STK31: variants seen among roughly 807,000 people sequenced by gnomAD.
STK31 encodes the protein serine/threonine-protein kinase 31.
A neutral mutation model predicts 129.7 loss-of-function variants in STK31; 89 were observed. That is an observed-to-expected ratio of 0.69 (90% confidence interval 0.58 to 0.82). STK31 has a LOEUF of 0.82. STK31 is among the 40% of genes least tolerant of loss of function. The probability of loss-of-function intolerance (pLI) is 0.00; values close to 1 mark genes in which losing one functional copy is unlikely to be tolerated. For synonymous variants in STK31, 448 were observed against 395.3 expected (o/e 1.13, Z -1.58); for missense variants, 1,187 against 1,176.4 (o/e 1.01, Z -0.13).
At chr7:23,777,991 A>G (rs552001480) in intron 15 of STK31, among the ~76,000 whole-genome samples, 7 of 152,160 alleles carry the variant, frequency 4.6e-5, no homozygotes, top group Non-Finnish European at 1.0e-4. Context: ...TCCTTTCCAT[A>G]TTTAGTGCTT....
chr7:23,827,098 T>C (rs535512425), intron 23 of STK31, among the ~76,000 whole-genome samples: 1 of 152,208 alleles, frequency 6.6e-6, no homozygotes, highest in South Asian at 2.1e-4. Flanking sequence ...TCTTGAGGAG[T>C]ATCTTTGTGG....
intron 22 of STK31, among the ~76,000 whole-genome samples, chr7:23,803,151 G>T (rs949488031): frequency 1.3e-5 from 2 of 152,036 alleles, no homozygotes; most frequent in African/African-American, 4.8e-5. Context: ...AAGTTAGTTT[G>T]GTACGAAAGG....
chr7:23,794,800 T>C (rs899088105), intron 22 of STK31, among the ~76,000 whole-genome samples: 12 of 152,286 alleles, frequency 7.9e-5, no homozygotes, highest in Middle Eastern at 3.4e-3. Context: ...TGGTGAAACT[T>C]TGAGCTTGAG....
intron 10 of STK31, among the ~76,000 whole-genome samples, chr7:23,760,500 T>G (rs1196284537): frequency 6.6e-6 from 1 of 152,224 alleles, no homozygotes; most frequent in Non-Finnish European, 1.5e-5. Context: ...GAATGATTAA[T>G]TTTTTAATTT....
At chr7:23,755,640 A>G (rs1038357014) in intron 10 of STK31, among the ~76,000 whole-genome samples, 11 of 152,166 alleles carry the variant, frequency 7.2e-5, no homozygotes, top group African/African-American at 2.7e-4. Flanking sequence ...TAGGTTTTAC[A>G]TTTAAGTCTT....
intron 23 of STK31, among the ~76,000 whole-genome samples, chr7:23,831,499 TA>T (rs932009625): frequency 1.3e-5 from 2 of 152,094 alleles, no homozygotes; most frequent in African/African-American, 4.8e-5. Flanking sequence ...TTGGGTCATT[TA>T]AAAAAAAGAA....
At chr7:23,751,217 T>A (rs1161727065) in intron 8 of STK31, among the ~76,000 whole-genome samples, 1 of 152,226 alleles carries the variant, frequency 6.6e-6, no homozygotes, top group Non-Finnish European at 1.5e-5. Flanking sequence ...ATTCTTTTTT[T>A]ATGGCTGAAT....
At chr7:23,746,190 A>G (rs895112222) in intron 8 of STK31, among the ~76,000 whole-genome samples, 8 of 152,160 alleles carry the variant, frequency 5.3e-5, no homozygotes, top group Admixed American at 4.6e-4. Context: ...GGGACCCAAC[A>G]TGAGCTCCCT....
intron 23 of STK31, among the ~76,000 whole-genome samples, chr7:23,831,159 G>A (rs954270992): frequency 6.6e-6 from 1 of 152,132 alleles, no homozygotes; most frequent in Non-Finnish European, 1.5e-5. Flanking sequence ...GTTTTTAAGT[G>A]CAGTGTAAAA....
At chr7:23,718,191 A>C (rs1786465867) in intron 4 of STK31, among the ~76,000 whole-genome samples, 1 of 152,176 alleles carries the variant, frequency 6.6e-6, no homozygotes, top group African/African-American at 2.4e-5. Flanking sequence ...AAGAAAACGT[A>C]TGTACTGTCT....
At chr7:23,827,103 T>C (rs1794203863) in intron 23 of STK31, among the ~76,000 whole-genome samples, 1 of 152,188 alleles carries the variant, frequency 6.6e-6, no homozygotes, top group African/African-American at 2.4e-5. Context: ...AGGAGTATCT[T>C]TGTGGCATTC....
chr7:23,721,956 A>G (rs550697272), intron 4 of STK31, among the ~76,000 whole-genome samples: 1 of 152,156 alleles, frequency 6.6e-6, no homozygotes, highest in Non-Finnish European at 1.5e-5. Flanking sequence ...TACACTGTTT[A>G]TTCTAGTTAG....
intron 22 of STK31, chr7:23,791,391 A>C (rs1791606722): frequency 2.8e-6 from 2 of 724,088 alleles, no homozygotes; most frequent in Non-Finnish European, 3.4e-6. Flanking sequence ...CAAATACTGC[A>C]TGTTCTCACT....
intron 10 of STK31, among the ~76,000 whole-genome samples, chr7:23,761,423 CTTT>C (rs11326557): frequency 5.8e-5 from 8 of 136,860 alleles, no homozygotes; most frequent in Non-Finnish European, 4.8e-5. Context: ...TGGCCATATG[CTTT>C]TTTTTTTTTT....
chr7:23,710,137 G>C, upstream of STK31: 2 of 1,398,790 alleles, frequency 1.4e-6, no homozygotes, highest in Non-Finnish European at 2.0e-6. Flanking sequence ...TTCCTAGGCG[G>C]CAGGCCGTGG....
At position 23,808,360 on chromosome 7, in the gene STK31, G is replaced by A. The variant is rs752888153; in HGVS notation, c.2761-6784G>A. ...CACTTTATTGAGTTCTTTTGACACC[G>A]GGAGACCAGGAGGAGCAAAGTGTTA... On this transcript the variant is annotated intron_variant, in intron 22 of 23. Transcript: ENST00000355870. Among the ~76,000 whole-genome samples the A allele has an allele frequency of 1.5e-4, 23 of 151,668 alleles. 1 individual carries two copies. The highest frequency in any genetic ancestry group is 1.0e-3 in the South Asian group (5 of 4,796).
intron 6 of STK31, among the ~76,000 whole-genome samples, chr7:23,734,147 G>A (rs1381129779): frequency 6.6e-5 from 10 of 152,052 alleles, no homozygotes; most frequent in African/African-American, 2.4e-4. Context: ...TGATTATTAC[G>A]GGTATGATGT....
At chr7:23,773,717 TTGTGTGTGTGTGTGTGAGTGTG>T (rs143629137) in intron 15 of STK31, among the ~76,000 whole-genome samples, 17,094 of 138,454 alleles carry the variant, frequency 0.12, 1,555 homozygotes, top group African/African-American at 0.26. Flanking sequence ...GTTTCCTGAC[TTGTGTGTGTGTGTGTGAGTGTG>T]TGTGTGTGTG....
chr7:23,744,853 T>C (rs543440484), intron 8 of STK31, among the ~76,000 whole-genome samples: 3 of 152,158 alleles, frequency 2.0e-5, no homozygotes, highest in Admixed American at 2.0e-4. Context: ...CAAGTATGCT[T>C]GTCCTTGGTT....
Sources: allele counts gnomAD v4.1 joint callset (sites outside exome capture counted in the v4.1 genomes callset), GRCh38; gene constraint gnomAD v4.1.1; transcripts MANE v1.5; gene names NCBI Gene and HGNC (gene_info 2026-07-23, HGNC 2026-07-21).